The following DNAH10 variants were observed in gnomAD, a reference collection of about 807,000 sequenced individuals.
DNAH10 encodes axonemal beta dynein heavy chain 10.
Under a neutral mutation model 506.6 loss-of-function variants are expected in DNAH10, and 348 were observed. That is an observed-to-expected ratio of 0.69 (90% CI 0.63 to 0.75). The LOEUF is 0.75. Among genes scored for constraint, DNAH10 ranks in the 30% least tolerant of loss-of-function variants. The probability of loss-of-function intolerance (pLI) is 0.00; values close to 1 mark genes in which losing one functional copy is unlikely to be tolerated. For synonymous variants in DNAH10, 2,059 were observed against 2,198.6 expected (o/e 0.94, Z 1.78); for missense variants, 5,179 against 5,787.1 (o/e 0.89, Z 3.41).
In DNAH10 at chr12:123,813,190, CTGCATAGAA is replaced by C. The variant is rs1959008653; in HGVS notation, c.3175_3183del (p.Ile1059_Cys1061del). The C allele has an allele frequency of 6.2e-7, 1 of 1,609,172 alleles. No homozygotes were observed. Among genetic ancestry groups the C allele is most frequent in the South Asian group, 1.1e-5 (1 of 90,588 alleles). ...ATTTTGTTCGTTGGATGAATGGCAG[CTGCATAGAA>C]TGCCCACCTCAGAAGGGGGAGGAAG... On this transcript the variant is annotated inframe_deletion, in exon 20 of 79. Coordinates refer to ENST00000673944, the MANE Select transcript of DNAH10 (RefSeq NM_001372106.1).
chr12:123,785,733 C>T lies in DNAH10; in HGVS notation c.1231-13C>T, dbSNP rs532466984. 224 of 1,569,252 alleles carry T rather than the reference C, an allele frequency of 1.4e-4. 2 individuals carry two copies. In the South Asian group the frequency reaches 2.3e-3, roughly 16 times the overall value. The stretch of plus-strand genomic sequence containing the variant: ...CTAAGGGCTCTTGCGTGGCTCTCTC[C>T]TCTCTTGGTCAGAACATAACGCACG... On this transcript the variant is annotated splice_polypyrimidine_tract_variant and intron_variant, in intron 8 of 78. Coordinates refer to ENST00000673944, the MANE Select transcript of DNAH10 (RefSeq NM_001372106.1). The surrounding 1 kb of genome is among the most constrained non-coding windows in gnomAD (Gnocchi z 4.1).
In DNAH10 at chr12:123,850,682, G is replaced by A. The variant is rs1594190646; in HGVS notation, c.6103-206G>A. Among the ~76,000 whole-genome samples, 1 of 152,302 alleles carries A rather than the reference G, an allele frequency of 6.6e-6. No individual in the cohort carries two copies. The highest frequency in any genetic ancestry group is 1.9e-4 in the East Asian group (1 of 5,176). On this transcript the variant is annotated intron_variant, in intron 34 of 78. Transcript: ENST00000673944. The surrounding 1 kb of genome is among the most constrained non-coding windows in gnomAD (Gnocchi z 5.5). Reference sequence around the variant, plus strand: ...GCCCTGGGTTCAGGTCTGAGTTTGGGGTTCCACTGAGACCTGCCCTCCCCA... The same window carrying A: ...GCCCTGGGTTCAGGTCTGAGTTTGGAGTTCCACTGAGACCTGCCCTCCCCA...
rs370542978 is a variant in DNAH10 at position 123,914,763 on chromosome 12, A to C, written c.10575-89A>C. 29 of 1,509,600 alleles carry C rather than the reference A, an allele frequency of 1.9e-5. 1 individual carries two copies. Among genetic ancestry groups the C allele is most frequent in the Middle Eastern group, 1.8e-4 (1 of 5,636 alleles). 93.5% of individuals were successfully genotyped at this position (1,509,600 alleles called of 1,614,324 possible). On this transcript the variant is annotated intron_variant, in intron 61 of 78. Coordinates refer to ENST00000673944, the MANE Select transcript of DNAH10 (RefSeq NM_001372106.1). The stretch of plus-strand genomic sequence containing the variant: ...GCTTGTGTGGCCTGGGGATGGGTAG[A>C]TTGTTCTGGAAGGCCAGTCCTACCA...
Position 123,913,752 on chromosome 12 carries a change from A to G in DNAH10, c.10352+437A>G, listed in dbSNP as rs1954338033. On this transcript the variant is annotated intron_variant, in intron 60 of 78. Coordinates refer to ENST00000673944, the MANE Select transcript of DNAH10 (RefSeq NM_001372106.1). This position sits in a 1 kb window ranked among gnomAD's most constrained non-coding sequence, Gnocchi z 5.1. ...CAGTCTTAAGTGATGGGGCTGTTTGATATTTATGGGCAAGACCGCTTGGCC... is the reference window on the plus strand; with the variant it reads ...CAGTCTTAAGTGATGGGGCTGTTTGGTATTTATGGGCAAGACCGCTTGGCC... 6.6e-6 allele frequency among the ~76,000 whole-genome samples: 1 copy of G among 152,172 alleles called. No individual in the cohort carries two copies.
intron 44 of DNAH10, among the ~76,000 whole-genome samples, chr12:123,870,836 C>T (rs554871722): frequency 1.3e-4 from 20 of 152,262 alleles, no homozygotes; most frequent in South Asian, 1.0e-3. Flanking sequence ...CGGCAACGAA[C>T]GAGGCAGTGT....
chr12:123,851,775 C>T (rs1415805843), intron 35 of DNAH10, among the ~76,000 whole-genome samples: 1 of 152,154 alleles, frequency 6.6e-6, no homozygotes, highest in South Asian at 2.1e-4. Flanking sequence ...ATTCCATCAC[C>T]ACGACCACAA....
Position 123,783,333 on chromosome 12 carries a change from A to G in DNAH10, c.999+69A>G, listed in dbSNP as rs532903739. On this transcript the variant is annotated intron_variant, in intron 7 of 78. Coordinates refer to ENST00000673944, the MANE Select transcript of DNAH10 (RefSeq NM_001372106.1). ...CTTACCATGCTGGGAAAGAGCCCGG[A>G]GTCTGGGGTCTGCATCATCTGGCAT... 9.1e-4 allele frequency: 1,439 copies of G among 1,580,676 alleles called. 11 individuals are homozygous for G. The highest frequency in any genetic ancestry group is 1.0e-3 in the African/African-American group (76 of 74,048).
Position 123,933,986 on chromosome 12 carries a change from G to A in DNAH10, c.13477+475G>A, listed in dbSNP as rs140595343. ...GAGAGCTGGAAACTGCTGTTTCCCCGGGTCCATGTTGTCTTAGAGTTCTTT... is the reference window on the plus strand; with the variant it reads ...GAGAGCTGGAAACTGCTGTTTCCCCAGGTCCATGTTGTCTTAGAGTTCTTT... On this transcript the variant is annotated intron_variant, in intron 77 of 78. Transcript: ENST00000673944. 515 of 475,166 alleles carry A rather than the reference G, an allele frequency of 1.1e-3. 3 individuals carry two copies. Among genetic ancestry groups the A allele is most frequent in the African/African-American group, 9.4e-3 (475 of 50,604 alleles). The allele number at this position is 475,166 out of a possible 1,614,324, so 29.4% of individuals were successfully genotyped here. A position where few individuals can be genotyped will look rare whatever the true frequency, so the allele number is the denominator to read the frequency against.
At chr12:123,812,227 G>T (rs1216950812) in intron 19 of DNAH10, among the ~76,000 whole-genome samples, 1 of 152,162 alleles carries the variant, frequency 6.6e-6, no homozygotes, top group African/African-American at 2.4e-5. Context: ...CGAGGTGGGC[G>T]GATCACGAGG....
In DNAH10 at chr12:123,838,304, A is replaced by G. The variant is rs144580656; in HGVS notation, c.4903-152A>G. 7.2e-3 allele frequency among the ~76,000 whole-genome samples: 1,103 copies of G among 152,290 alleles called. 7 individuals are homozygous for G. The highest frequency in any genetic ancestry group is 0.016 in the South Asian group (78 of 4,826). Reference sequence around the variant, plus strand: ...GGATATGCATGTTTAAAAATGATAAATGGATCCCCTGAAAGCCAATGGCAC... The same window carrying G: ...GGATATGCATGTTTAAAAATGATAAGTGGATCCCCTGAAAGCCAATGGCAC... On this transcript the variant is annotated intron_variant, in intron 28 of 78. Coordinates refer to ENST00000673944, the MANE Select transcript of DNAH10 (RefSeq NM_001372106.1).
In DNAH10 at chr12:123,801,433, G is replaced by C. The variant is rs777176649; in HGVS notation, c.2614+1G>C. ...AAGAGGTTGAACTGGAACTCACTAGGTAACGTCATTCATCTATTGATTGCC... is the reference window on the plus strand; with the variant it reads ...AAGAGGTTGAACTGGAACTCACTAGCTAACGTCATTCATCTATTGATTGCC... On this transcript the variant is annotated splice_donor_variant, in intron 16 of 78. Transcript: ENST00000673944. LOFTEE classifies it high-confidence loss of function. 4 of 1,612,292 alleles carry C rather than the reference G, an allele frequency of 2.5e-6. No homozygotes were observed. Among genetic ancestry groups the C allele is most frequent in the Non-Finnish European group, 3.4e-6 (4 of 1,179,460 alleles).
intron 10 of DNAH10, among the ~76,000 whole-genome samples, chr12:123,788,968 G>A (rs1957973210): frequency 1.3e-5 from 2 of 151,018 alleles, no homozygotes; most frequent in African/African-American, 2.4e-5. Flanking sequence ...AAGCTTTTTC[G>A]GCTAGATGCG....
intron 24 of DNAH10, among the ~76,000 whole-genome samples, chr12:123,825,876 A>C (rs1275893000): frequency 6.6e-6 from 1 of 152,184 alleles, no homozygotes; most frequent in African/African-American, 2.4e-5. Flanking sequence ...TAATCCCAGC[A>C]CTTGGAGGCT....
chr12:123,789,782 T>C (rs1277333015), intron 10 of DNAH10, 145 bp from the exon 11 acceptor site: 1 of 727,586 alleles, frequency 1.4e-6, no homozygotes, highest in African/African-American at 1.8e-5. Flanking sequence ...TTGGGCATCG[T>C]ACCGAAGGGC....
In DNAH10 at chr12:123,847,933, CAT is replaced by C. The variant is rs10610984; in HGVS notation, c.5815-25_5815-24del. ...CCACTTCCTTCTGTGCACCAGAAAACATATGTTTTGCATTTGGCTTATAACAG... is the reference window on the plus strand; with the variant it reads ...CCACTTCCTTCTGTGCACCAGAAAACATGTTTTGCATTTGGCTTATAACAG... On this transcript the variant is annotated intron_variant, in intron 32 of 78. Transcript: ENST00000673944. The C allele has an allele frequency of 0.023, 36,744 of 1,586,486 alleles. 2,361 individuals are homozygous for C. In the African/African-American group the frequency reaches 0.23, roughly 10 times the overall value.
intron 21 of DNAH10, among the ~76,000 whole-genome samples, chr12:123,818,093 C>G (rs905001756): frequency 2.0e-5 from 3 of 151,758 alleles, no homozygotes; most frequent in Admixed American, 1.3e-4. Context: ...CAATTATAGG[C>G]ATGCGCCACC....
At chr12:123,871,430 T>C (rs1952030919) in intron 44 of DNAH10, 27 bp from the exon 45 acceptor site, 1 of 1,579,804 alleles carries the variant, frequency 6.3e-7, no homozygotes. Flanking sequence ...GTTGCTGAGA[T>C]GCCCCTGTTC....
intron 44 of DNAH10, 87 bp from the exon 45 acceptor site, chr12:123,871,370 G>T: frequency 2.1e-6 from 3 of 1,454,214 alleles, no homozygotes; most frequent in Non-Finnish European, 2.8e-6. Flanking sequence ...TATGGGATTT[G>T]TGGGGTTCTA....
At chr12:123,795,512 C>T (rs1958244717) in intron 12 of DNAH10, among the ~76,000 whole-genome samples, 1 of 152,146 alleles carries the variant, frequency 6.6e-6, no homozygotes. Flanking sequence ...CCAGTGGTGG[C>T]CACTTTCACT....
Sources: allele counts gnomAD v4.1 joint callset (sites outside exome capture counted in the v4.1 genomes callset), GRCh38; gene constraint gnomAD v4.1.1; non-coding constraint Gnocchi (gnomAD v3.1); transcripts MANE v1.5; gene names NCBI Gene and HGNC (gene_info 2026-07-23, HGNC 2026-07-21).